CDH12: variants seen among roughly 807,000 people sequenced by gnomAD.
CDH12 encodes cadherin-12.
Under a neutral mutation model 74.1 loss-of-function variants are expected in CDH12, and 41 were observed. That is an observed-to-expected ratio of 0.55 (90% CI 0.43 to 0.72). The LOEUF (loss-of-function observed/expected upper bound fraction) is 0.72, where lower values mean the gene tolerates loss of function less well. CDH12 is among the 30% of genes least tolerant of loss of function. CDH12 has a pLI of 0.00. For missense variants in CDH12, 945 were observed against 977.2 expected (o/e 0.97, Z 0.44); for synonymous variants, 399 against 355.0 (o/e 1.12, Z -1.39).
intron 1 of CDH12, among the ~76,000 whole-genome samples, chr5:22,767,628 A>T (rs747861720): frequency 6.6e-6 from 1 of 151,946 alleles, no homozygotes; most frequent in Non-Finnish European, 1.5e-5. Flanking sequence ...ATGGATTTTT[A>T]ATGTAGCTAT....
intron 2 of CDH12, among the ~76,000 whole-genome samples, chr5:22,462,542 T>A (rs1319420377): frequency 6.6e-6 from 1 of 152,176 alleles, no homozygotes; most frequent in Non-Finnish European, 1.5e-5. Context: ...GGCTGCCTAC[T>A]GTGGTCCCTG....
At chr5:22,840,297 T>A (rs1222560612) in intron 1 of CDH12, among the ~76,000 whole-genome samples, 1 of 151,980 alleles carries the variant, frequency 6.6e-6, no homozygotes, top group Admixed American at 6.6e-5. Context: ...ATTTTTAAAA[T>A]ATTTTTAGTA....
chr5:22,818,940 ATG>A (rs1354565439), intron 1 of CDH12, among the ~76,000 whole-genome samples: 1 of 152,140 alleles, frequency 6.6e-6, no homozygotes, highest in Non-Finnish European at 1.5e-5. Flanking sequence ...TGTAAATAAT[ATG>A]TGTTTTGTGA....
chr5:22,549,546 A>C (rs1738473758), intron 1 of CDH12, among the ~76,000 whole-genome samples: 1 of 152,128 alleles, frequency 6.6e-6, no homozygotes, highest in African/African-American at 2.4e-5. Flanking sequence ...GAACAATATT[A>C]TGTAGGCATC....
Position 22,653,988 on chromosome 5 carries a change from CCCTT to C in CDH12, c.-522-148628_-522-148625del, listed in dbSNP as rs1023647653. Among the ~76,000 whole-genome samples the C allele has an allele frequency of 2.1e-4, 31 of 150,804 alleles. 1 individual carries two copies. The highest frequency in any genetic ancestry group is 1.1e-3 in the South Asian group (5 of 4,758). ...ATGGCTTGAAATGTTATAAATATTT[CCCTT>C]CCTTCCTTCCTTCCTTCCCTGTCCT... On this transcript the variant is annotated intron_variant, in intron 1 of 14. Transcript: ENST00000382254.
At chr5:22,167,157 C>A (rs188076355) in intron 4 of CDH12, among the ~76,000 whole-genome samples, 14 of 152,220 alleles carry the variant, frequency 9.2e-5, no homozygotes, top group Non-Finnish European at 1.5e-5. Flanking sequence ...TTAGATTAGA[C>A]CCATTTCAAT....
chr5:22,579,958 C>G (rs1739998317), intron 1 of CDH12, among the ~76,000 whole-genome samples: 2 of 152,172 alleles, frequency 1.3e-5, no homozygotes, highest in Admixed American at 1.3e-4. Context: ...GGTCTCTTCT[C>G]TCCAGAATGC....
chr5:22,069,213 C>A (rs1023247670), intron 5 of CDH12, among the ~76,000 whole-genome samples: 2 of 152,086 alleles, frequency 1.3e-5, no homozygotes, highest in Non-Finnish European at 2.9e-5. Context: ...CAGTAATGAA[C>A]CCATGCTCAT....
At chr5:22,155,871 C>T (rs1298657703) in intron 4 of CDH12, among the ~76,000 whole-genome samples, 4 of 151,986 alleles carry the variant, frequency 2.6e-5, no homozygotes, top group Non-Finnish European at 4.4e-5. Flanking sequence ...AAATATGCAA[C>T]GACTCATTCT....
intron 1 of CDH12, among the ~76,000 whole-genome samples, chr5:22,601,785 T>A (rs955595151): frequency 1.3e-5 from 2 of 152,038 alleles, no homozygotes; most frequent in Admixed American, 6.6e-5. Context: ...GGGTAGATTT[T>A]AGGAAACAAG....
At chr5:22,803,006 T>C (rs1414332279) in intron 1 of CDH12, among the ~76,000 whole-genome samples, 1 of 152,086 alleles carries the variant, frequency 6.6e-6, no homozygotes, top group Non-Finnish European at 1.5e-5. Flanking sequence ...TAACCAAGCC[T>C]CTAGGTTACA....
chr5:22,717,516 T>C (rs894387025), intron 1 of CDH12, among the ~76,000 whole-genome samples: 6 of 152,170 alleles, frequency 3.9e-5, no homozygotes, highest in African/African-American at 1.4e-4. Context: ...CATTAAGTGA[T>C]GGCATATCTG....
intron 5 of CDH12, among the ~76,000 whole-genome samples, chr5:22,057,724 A>C (rs1389056329): frequency 6.6e-6 from 1 of 152,134 alleles, no homozygotes; most frequent in African/African-American, 2.4e-5. Flanking sequence ...AAAACCCACG[A>C]AAGTCAGATA....
chr5:22,793,799 AGT>A (rs987625773), intron 1 of CDH12, among the ~76,000 whole-genome samples: 1 of 152,072 alleles, frequency 6.6e-6, no homozygotes, highest in Admixed American at 6.6e-5. Context: ...TCAGAAAAAA[AGT>A]GTAAAAATTA....
At chr5:22,824,996 G>A (rs1293193878) in intron 1 of CDH12, among the ~76,000 whole-genome samples, 1 of 151,620 alleles carries the variant, frequency 6.6e-6, no homozygotes, top group Non-Finnish European at 1.5e-5. Context: ...AATTCAAAAA[G>A]GCTTGTGAGA....
intron 4 of CDH12, among the ~76,000 whole-genome samples, chr5:22,153,889 A>ATAC (rs1561168560): frequency 4.8e-5 from 2 of 42,060 alleles, no homozygotes; most frequent in South Asian, 7.1e-4. Flanking sequence ...TATATATATA[A>ATAC]ATATATATAT....
At chr5:22,124,130 CTGA>C (rs1295230415) in intron 4 of CDH12, among the ~76,000 whole-genome samples, 1 of 151,198 alleles carries the variant, frequency 6.6e-6, no homozygotes, top group Non-Finnish European at 1.5e-5. Flanking sequence ...ACACTCCCTG[CTGA>C]TTATTATTAT....
chr5:22,218,330 A>G (rs532471293), intron 3 of CDH12, among the ~76,000 whole-genome samples: 6 of 151,526 alleles, frequency 4.0e-5, no homozygotes, highest in East Asian at 1.9e-4. Flanking sequence ...CAAACTGGGG[A>G]AAAAAAAGTC....
chr5:22,831,148 A>G (rs1334654560), intron 1 of CDH12, among the ~76,000 whole-genome samples: 1 of 152,130 alleles, frequency 6.6e-6, no homozygotes, highest in East Asian at 1.9e-4. Context: ...AATAAAATGA[A>G]TAATATGAAA....
Sources: gnomAD v4.1 joint callset for allele counts (sites outside exome capture counted in the v4.1 genomes callset) on GRCh38, gnomAD v4.1.1 for gene constraint, MANE v1.5 for transcripts, NCBI Gene and HGNC (gene_info 2026-07-23, HGNC 2026-07-21) for gene names.